Variants in CD300LD observed in about 807,000 individuals in gnomAD.
CD300LD encodes the protein CMRF35-like molecule 5.
CD300LD carries 18 observed loss-of-function variants against 20.3 expected under a neutral mutation model. The observed-to-expected ratio is 0.89, with a 90% CI of 0.61 to 1.32. CD300LD has a LOEUF of 1.32. Ranked by LOEUF, CD300LD falls within the 40% of genes most tolerant of loss-of-function variation. The pLI is 0.00. For missense variants in CD300LD, 195 were observed against 226.6 expected, an observed-to-expected ratio of 0.86 and a Z score of 0.90; for synonymous variants, 104 against 90.1, an observed-to-expected ratio of 1.15 and a Z score of -0.87.
At chr17:74,586,575 C>T (rs783245) in intron 2 of CD300LD, among the ~76,000 whole-genome samples, 1,679 of 152,258 alleles carry the variant, frequency 0.011, 34 homozygotes, top group African/African-American at 0.037. Flanking sequence ...CTGTCCAGCC[C>T]ACAGCCCCAT....
At chr17:74,590,751 T>C (rs1311385089) in intron 1 of CD300LD, 1 of 152,038 alleles carries the variant, frequency 6.6e-6, no homozygotes, top group Non-Finnish European at 1.5e-5. Flanking sequence ...TTAAGGTAAA[T>C]ATTTAAAGAA....
rs2029986650 is a variant in CD300LD at position 74,579,570 on chromosome 17, C to T, written c.*432G>A. The T allele has an allele frequency of 6.1e-6, 1 of 164,614 alleles. No homozygotes were observed. Among genetic ancestry groups the T allele is most frequent in the African/African-American group, 2.4e-5 (1 of 41,618 alleles). The allele number at this position is 164,614 out of a possible 1,614,324, so 10.2% of individuals were successfully genotyped here. ...CTGGGGCCAGCACTGCCTCTAGAACCACAGTCAATTCCCCATAGAAATGTT... is the reference window on the plus strand; with the variant it reads ...CTGGGGCCAGCACTGCCTCTAGAACTACAGTCAATTCCCCATAGAAATGTT... On this transcript the variant is annotated 3_prime_UTR_variant, in exon 4 of 4. Coordinates refer to ENST00000375352, the MANE Select transcript of CD300LD (RefSeq NM_001115152.2).
At chr17:74,583,749 C>CTT (rs34787485) in intron 2 of CD300LD, among the ~76,000 whole-genome samples, 48 of 98,034 alleles carry the variant, frequency 4.9e-4, no homozygotes, top group East Asian at 2.5e-3. Context: ...GAGTATTTCA[C>CTT]TTTTTTTTTT....
At chr17:74,591,985 A>G in intron 1 of CD300LD, 178 bp downstream of exon 1, 1 of 1,527,580 alleles carries the variant, frequency 6.5e-7, no homozygotes, top group South Asian at 1.3e-5. Context: ...TTTCTGCAGC[A>G]TCTAACACAG....
intron 2 of CD300LD, among the ~76,000 whole-genome samples, chr17:74,586,369 G>A (rs542700980): frequency 4.1e-4 from 62 of 152,240 alleles, no homozygotes; most frequent in African/African-American, 1.3e-3. Flanking sequence ...AAAGAATACC[G>A]TCAGACCTTT....
At chr17:74,579,254 T>C (rs1350480898), downstream of CD300LD, 3 of 152,350 alleles carry the variant, frequency 2.0e-5, no homozygotes, top group Admixed American at 6.5e-5. Context: ...CGTTTTTCTG[T>C]TTTCATGGGT....
chr17:74,588,797 C>A lies in CD300LD; in HGVS notation c.93G>T (p.Glu31Asp). 6.2e-7 allele frequency: 1 copy of A among 1,614,042 alleles called. No homozygotes were observed. The highest frequency in any genetic ancestry group is 1.3e-5 in the African/African-American group (1 of 75,048). The part of the protein sequence containing the change: ...ITGPTTVNGS[E>D]QGSLTVQCAY... ...CACACTGCACAGTCAATGAGCCCTG[C>A]TCCGAGCCATTCACTGTTGTTGGAC... Residue 31 changes from glutamate (E) to aspartate (D), a missense_variant, in exon 2 of 4, where the codon GAG becomes GAT. Physicochemically the swap from Glu to Asp is conservative, Grantham distance 45 (BLOSUM62 2). Coordinates refer to ENST00000375352, the MANE Select transcript of CD300LD (RefSeq NM_001115152.2).
chr17:74,579,982 T>C lies in CD300LD; in HGVS notation c.*20A>G. The C allele has an allele frequency of 1.3e-6, 2 of 1,532,772 alleles. No homozygotes were observed. The highest frequency in any genetic ancestry group is 1.8e-6 in the Non-Finnish European group (2 of 1,109,346). The allele number at this position is 1,532,772 out of a possible 1,614,324, so 94.9% of individuals were successfully genotyped here. On this transcript the variant is annotated 3_prime_UTR_variant, in exon 4 of 4. Transcript: ENST00000375352. ...TCAATGGGCATTGGGACTCTCATCA[T>C]CGGGCTGACTCCTCCTCCTTCAAGA...
intron 1 of CD300LD, chr17:74,591,920 T>C (rs2030328915): frequency 8.8e-7 from 1 of 1,134,188 alleles, no homozygotes; most frequent in Non-Finnish European, 1.2e-6. Flanking sequence ...ACAGTCAGGG[T>C]TGAGAACCAC....
chr17:74,580,339 G>A (rs889549565), intron 3 of CD300LD, among the ~76,000 whole-genome samples: 11 of 152,210 alleles, frequency 7.2e-5, no homozygotes, highest in Non-Finnish European at 1.0e-4. Context: ...GGTCCCGTCT[G>A]CCAACTCCCA....
chr17:74,581,074 T>C (rs1245333266), intron 3 of CD300LD, among the ~76,000 whole-genome samples: 1 of 151,830 alleles, frequency 6.6e-6, no homozygotes, highest in Non-Finnish European at 1.5e-5. Context: ...ATCTTCACTC[T>C]TGGGGCTCTC....
chr17:74,588,908 C>G, intron 1 of CD300LD, 59 bp from the exon 2 acceptor site: 1 of 1,283,732 alleles, frequency 7.8e-7, no homozygotes, highest in Non-Finnish European at 1.1e-6. Flanking sequence ...GCCACAGCCT[C>G]GTGCATTGGG....
At position 74,588,697 on chromosome 17, in the gene CD300LD, C is replaced by T; in HGVS notation, c.193G>A (p.Val65Ile). The change falls in exon 2 of 4, where the codon GTT becomes ATT. Residue 65 changes from valine to isoleucine, a missense_variant. Coordinates refer to ENST00000375352, the MANE Select transcript of CD300LD (RefSeq NM_001115152.2). ...GADWNYCNIL[V>I]KTNGSEQEVK... ...TCCTGCTCTGATCCATTTGTTTTAA[C>T]AAGGATGTTACAGTAATTCCAATCA... 6.2e-7 allele frequency: 1 copy of T among 1,614,188 alleles called. No individual in the cohort carries two copies. Among genetic ancestry groups the T allele is most frequent in the Non-Finnish European group, 8.5e-7 (1 of 1,180,032 alleles).
intron 1 of CD300LD, among the ~76,000 whole-genome samples, chr17:74,591,520 G>A (rs1007057868): frequency 3.3e-5 from 5 of 151,840 alleles, no homozygotes; most frequent in African/African-American, 9.7e-5. Flanking sequence ...ATTAACATAG[G>A]ATTCAGCCAT....
chr17:74,591,605 A>G (rs2030320014), intron 1 of CD300LD, among the ~76,000 whole-genome samples: 1 of 152,298 alleles, frequency 6.6e-6, no homozygotes, highest in East Asian at 1.9e-4. Flanking sequence ...AGTTCATAAC[A>G]TTATTACTAA....
At chr17:74,588,286 C>G (rs1029220081) in intron 2 of CD300LD, among the ~76,000 whole-genome samples, 1 of 152,140 alleles carries the variant, frequency 6.6e-6, no homozygotes, top group Non-Finnish European at 1.5e-5. Flanking sequence ...CCCCCATGAC[C>G]CAGTCACCTT....
At chr17:74,590,500 G>T (rs783238) in intron 1 of CD300LD, 2 of 150,594 alleles carry the variant, frequency 1.3e-5, no homozygotes, top group Admixed American at 6.6e-5. Context: ...GACTTCATTG[G>T]AATGTCTTGA....
At chr17:74,588,450 C>T (rs979987017) in intron 2 of CD300LD, 61 bp downstream of exon 2, 12 of 1,095,470 alleles carry the variant, frequency 1.1e-5, no homozygotes, top group African/African-American at 1.6e-5. Flanking sequence ...TCAAGTGGGA[C>T]CTCAGGGACC....
intron 2 of CD300LD, among the ~76,000 whole-genome samples, chr17:74,583,566 A>C (rs1240859269): frequency 1.3e-5 from 2 of 152,168 alleles, no homozygotes; most frequent in African/African-American, 4.8e-5. Flanking sequence ...TAGCTAAGGG[A>C]TGATCCATTT....
Sources: allele counts gnomAD v4.1 joint callset (sites outside exome capture counted in the v4.1 genomes callset), GRCh38; gene constraint gnomAD v4.1.1; transcripts MANE v1.5; gene names NCBI Gene and HGNC (gene_info 2026-07-23, HGNC 2026-07-21).